FRYL: variants seen among roughly 807,000 people sequenced by gnomAD.
FRYL encodes the protein protein furry homolog-like.
Under a neutral mutation model 351.2 loss-of-function variants are expected in FRYL, and 150 were observed. The ratio of observed to expected loss-of-function variants is 0.43; its 90% CI spans 0.37 to 0.49. The LOEUF is 0.49. FRYL is among the 20% of genes least tolerant of loss of function. The pLI, the probability that FRYL is intolerant of heterozygous loss-of-function variation, is 0.00. For missense variants in FRYL, 3,036 were observed against 3,619.3 expected, an observed-to-expected ratio of 0.84 and a Z score of 4.13; for synonymous variants, 1,153 against 1,257.1, an observed-to-expected ratio of 0.92 and a Z score of 1.75.
At chr4:48,724,284 G>C (rs1466188225) in intron 1 of FRYL, among the ~76,000 whole-genome samples, 1 of 152,042 alleles carries the variant, frequency 6.6e-6, no homozygotes, top group Admixed American at 6.5e-5. Context: ...CCCTATTCCA[G>C]CCACACTAGT....
At chr4:48,766,056 G>T (rs1045201092) in intron 1 of FRYL, among the ~76,000 whole-genome samples, 1 of 152,124 alleles carries the variant, frequency 6.6e-6, no homozygotes, top group Non-Finnish European at 1.5e-5. Flanking sequence ...ACAGTCATCT[G>T]GGAAAACAGT....
intron 13 of FRYL, among the ~76,000 whole-genome samples, chr4:48,600,318 T>C (rs1333265585): frequency 6.6e-6 from 1 of 152,178 alleles, no homozygotes; most frequent in Non-Finnish European, 1.5e-5. Context: ...AGCCACATTA[T>C]CTAAGACTTA....
rs549679148 is a variant in FRYL at position 48,774,181 on chromosome 4, G to A, written c.-384+5897C>T. The stretch of plus-strand genomic sequence containing the variant: ...GGATGAAAAAGTTCTAAAATTAATT[G>A]AGGTTATGGTATACAACTCTGAAAT... On this transcript the variant is annotated intron_variant, in intron 1 of 63. Transcript: ENST00000358350. Among the ~76,000 whole-genome samples the A allele has an allele frequency of 6.6e-5, 10 of 152,254 alleles. No homozygotes were observed. The East Asian group carries it at 1.7e-3, about 26-fold the overall frequency.
At chr4:48,744,467 C>G (rs921453967) in intron 1 of FRYL, among the ~76,000 whole-genome samples, 16 of 152,178 alleles carry the variant, frequency 1.1e-4, no homozygotes, top group African/African-American at 3.9e-4. Flanking sequence ...TTCAAAGTCA[C>G]TGAGTTACAC....
At chr4:48,703,844 C>T (rs777203982) in intron 2 of FRYL, among the ~76,000 whole-genome samples, 1 of 151,954 alleles carries the variant, frequency 6.6e-6, no homozygotes, top group East Asian at 1.9e-4. Flanking sequence ...ACTTGAAACC[C>T]GATAGGTACT....
intron 53 of FRYL, among the ~76,000 whole-genome samples, chr4:48,527,010 T>C (rs1726395753): frequency 6.6e-6 from 1 of 152,026 alleles, no homozygotes; most frequent in Non-Finnish European, 1.5e-5. Flanking sequence ...TGTATATGAG[T>C]AGTATATGTA....
At chr4:48,509,403 C>T (rs1434483547) in intron 59 of FRYL, among the ~76,000 whole-genome samples, 1 of 152,196 alleles carries the variant, frequency 6.6e-6, no homozygotes, top group Non-Finnish European at 1.5e-5. Context: ...TGAGATACCA[C>T]CACACACTTC....
chr4:48,507,877 A>G (rs1225567200), intron 59 of FRYL, among the ~76,000 whole-genome samples: 2 of 152,200 alleles, frequency 1.3e-5, no homozygotes, highest in Non-Finnish European at 2.9e-5. Flanking sequence ...AAAACCACAC[A>G]GCAGCCCCTG....
rs542911199 is a variant in FRYL at position 48,705,098 on chromosome 4, G to C, written c.-204+5421C>G. Among the ~76,000 whole-genome samples the C allele has an allele frequency of 1.2e-3, 190 of 152,242 alleles. 2 individuals are homozygous for C. The Middle Eastern group carries it at 0.014, about 11-fold the overall frequency. ...ATCATGCCACTGCACTCCAGCCTGG[G>C]TGACGGTGAGACTGTCTTAAAACAA... is the stretch of plus-strand genomic sequence containing the variant. On this transcript the variant is annotated intron_variant, in intron 2 of 63. Coordinates refer to ENST00000358350, the MANE Select transcript of FRYL (RefSeq NM_015030.2).
At chr4:48,732,238 G>A (rs1480570701) in intron 1 of FRYL, among the ~76,000 whole-genome samples, 2 of 152,032 alleles carry the variant, frequency 1.3e-5, no homozygotes, top group Admixed American at 6.6e-5. Context: ...ACTATCTCAC[G>A]CCAGTTAGAA....
chr4:48,551,556 T>C lies in FRYL; in HGVS notation c.4458A>G (p.Thr1486=). 2 of 1,611,156 alleles carry C rather than the reference T, an allele frequency of 1.2e-6. No homozygotes were observed. The highest frequency in any genetic ancestry group is 1.7e-6 in the Non-Finnish European group (2 of 1,177,684). Residue 1486 remains threonine, a synonymous_variant, in exon 37 of 64, where the codon ACA becomes ACG. Coordinates refer to ENST00000358350, the MANE Select transcript of FRYL (RefSeq NM_015030.2). ...VTSGTTSSSN[T]MVAPTDGNPD... ...GATTGCCATCTGTGGGAGCTACCAT[T>C]GTATTGCTACTGGAAGTAGTTCCTG...
chr4:48,607,296 T>C (rs1747052581), intron 9 of FRYL, among the ~76,000 whole-genome samples: 1 of 152,242 alleles, frequency 6.6e-6, no homozygotes, highest in Admixed American at 6.5e-5. Flanking sequence ...TCCTTAAAGT[T>C]AAAATAACCT....
chr4:48,545,014 T>C (rs1731023840), intron 42 of FRYL, 110 bp from the exon 43 acceptor site: 2 of 1,125,610 alleles, frequency 1.8e-6, no homozygotes, highest in Non-Finnish European at 2.5e-6. Context: ...GGTAGTTGAA[T>C]AAATAGGTCA....
intron 59 of FRYL, among the ~76,000 whole-genome samples, chr4:48,507,128 GATT>G (rs1721259849): frequency 6.6e-6 from 1 of 152,034 alleles, no homozygotes; most frequent in Non-Finnish European, 1.5e-5. Flanking sequence ...AATTTCAGTT[GATT>G]ATTTATTTAA....
chr4:48,759,797 T>A (rs745350879), intron 1 of FRYL, among the ~76,000 whole-genome samples: 2 of 152,156 alleles, frequency 1.3e-5, no homozygotes, highest in Non-Finnish European at 2.9e-5. Flanking sequence ...ACCCCTGTGA[T>A]GACATTAGGC....
At chr4:48,653,141 G>A (rs919403641) in intron 3 of FRYL, among the ~76,000 whole-genome samples, 3 of 152,032 alleles carry the variant, frequency 2.0e-5, no homozygotes, top group South Asian at 2.1e-4. Context: ...ATAGCTCAAC[G>A]GCATCAGTTG....
chr4:48,525,192 T>C (rs76540949), intron 53 of FRYL, among the ~76,000 whole-genome samples: 62,464 of 146,154 alleles, frequency 0.43, 14,698 homozygotes, highest in Admixed American at 0.57. Flanking sequence ...TATATATATA[T>C]ATATACACAC....
intron 1 of FRYL, among the ~76,000 whole-genome samples, chr4:48,712,493 T>C (rs527893448): frequency 1.3e-5 from 2 of 151,778 alleles, no homozygotes; most frequent in Non-Finnish European, 2.9e-5. Context: ...ATGAAAGAAA[T>C]GAAGCGAGAA....
At chr4:48,642,539 T>C (rs1341901973) in intron 3 of FRYL, among the ~76,000 whole-genome samples, 1 of 152,144 alleles carries the variant, frequency 6.6e-6, no homozygotes, top group East Asian at 1.9e-4. Flanking sequence ...CTTCTGCTTG[T>C]TCTTTGGACA....
Sources: gnomAD v4.1 joint callset for allele counts (sites outside exome capture counted in the v4.1 genomes callset) on GRCh38, gnomAD v4.1.1 for gene constraint, MANE v1.5 for transcripts, NCBI Gene and HGNC (gene_info 2026-07-23, HGNC 2026-07-21) for gene names.